The following GLI2 variants were observed in gnomAD, a reference collection of about 807,000 sequenced individuals.
GLI2 encodes transcription activator GLI2.
GLI2 carries 22 observed loss-of-function variants against 78.9 expected under a neutral mutation model. The ratio of observed to expected loss-of-function variants is 0.28; its 90% CI spans 0.20 to 0.40. The LOEUF (loss-of-function observed/expected upper bound fraction) is 0.40, where lower values mean the gene tolerates loss of function less well. GLI2 is among the 10% of genes least tolerant of loss of function. GLI2 has a pLI of 1.00. For synonymous variants in GLI2, 974 were observed against 963.7 expected (o/e 1.01, Z -0.20); for missense variants, 2,097 against 2,213.2 (o/e 0.95, Z 1.05).
intron 2 of GLI2, among the ~76,000 whole-genome samples, chr2:120,890,488 C>CACAT (rs1677626965): frequency 6.6e-6 from 1 of 152,066 alleles, no homozygotes; most frequent in Non-Finnish European, 1.5e-5. Context: ...CATACACATT[C>CACAT]ACATACATAC....
At chr2:120,739,405 T>C (rs1682461438) in intron 1 of GLI2, among the ~76,000 whole-genome samples, 1 of 152,196 alleles carries the variant, frequency 6.6e-6, no homozygotes, top group South Asian at 2.1e-4. Flanking sequence ...CCAGCTGGCT[T>C]GTTAAAGCCT....
chr2:120,935,739 G>T (rs548509258), intron 3 of GLI2, among the ~76,000 whole-genome samples: 1 of 152,304 alleles, frequency 6.6e-6, no homozygotes, highest in South Asian at 2.1e-4. Flanking sequence ...ATCTTCCCCA[G>T]CTCTGAGAGC....
intron 5 of GLI2, among the ~76,000 whole-genome samples, chr2:120,963,371 C>T (rs893973565): frequency 2.0e-5 from 3 of 152,244 alleles, no homozygotes; most frequent in Admixed American, 6.5e-5. Context: ...AGTAAATGTG[C>T]TCCAAGGAAG....
chr2:120,860,954 C>T (rs1447684494), intron 2 of GLI2, among the ~76,000 whole-genome samples: 1 of 152,188 alleles, frequency 6.6e-6, no homozygotes, highest in Non-Finnish European at 1.5e-5. Context: ...TTATGGCCAG[C>T]ACACAGGAGT....
At chr2:120,926,072 CAA>C (rs35224973) in intron 2 of GLI2, among the ~76,000 whole-genome samples, 26 of 63,232 alleles carry the variant, frequency 4.1e-4, no homozygotes, top group Admixed American at 2.3e-3. Context: ...GACTCCGTCT[CAA>C]AAAAAAAAAA....
intron 5 of GLI2, among the ~76,000 whole-genome samples, chr2:120,962,309 T>C (rs1323174468): frequency 1.3e-5 from 2 of 152,190 alleles, no homozygotes; most frequent in Non-Finnish European, 2.9e-5. Context: ...ATAATTCTGC[T>C]TAGATGGCAC....
chr2:120,978,389 G>A (rs1429335250), intron 9 of GLI2, 45 bp from the exon 10 acceptor site: 31 of 1,612,054 alleles, frequency 1.9e-5, no homozygotes, highest in Non-Finnish European at 2.6e-5. Context: ...TGGTCTGTGG[G>A]CCTCTGGCCC....
chr2:120,911,297 G>T (rs9653404), intron 2 of GLI2, among the ~76,000 whole-genome samples: 8,130 of 152,314 alleles, frequency 0.053, 646 homozygotes, highest in African/African-American at 0.17. Context: ...CTAAAGTGGA[G>T]ATAATAGTAA....
At chr2:120,773,927 TTCCTTCCCTCCCTCCC>T (rs1282661800) in intron 1 of GLI2, among the ~76,000 whole-genome samples, 1 of 109,770 alleles carries the variant, frequency 9.1e-6, no homozygotes, top group East Asian at 3.1e-4. Flanking sequence ...CCTTCCTTCC[TTCCTTCCCTCCCTCCC>T]TCCCTCCCTC....
At chr2:120,942,624 G>A (rs1680504792) in intron 3 of GLI2, among the ~76,000 whole-genome samples, 1 of 152,154 alleles carries the variant, frequency 6.6e-6, no homozygotes, top group Non-Finnish European at 1.5e-5. Flanking sequence ...GATCTCATGA[G>A]CCCCCCACGT....
intron 2 of GLI2, among the ~76,000 whole-genome samples, chr2:120,853,774 G>C (rs1420358878): frequency 6.6e-6 from 1 of 152,150 alleles, no homozygotes; most frequent in African/African-American, 2.4e-5. Flanking sequence ...CCCCACCTTG[G>C]GACTTGCTTT....
intron 2 of GLI2, among the ~76,000 whole-genome samples, chr2:120,902,040 C>A (rs1678284353): frequency 6.6e-6 from 1 of 151,924 alleles, no homozygotes; most frequent in African/African-American, 2.4e-5. Context: ...CAGCTCATAC[C>A]AGCTAACACC....
At chr2:120,913,093 A>G (rs1992901) in intron 2 of GLI2, among the ~76,000 whole-genome samples, 94,480 of 152,118 alleles carry the variant, frequency 0.62, 29,414 homozygotes, top group Middle Eastern at 0.67. Context: ...CTAAGATTCA[A>G]AGGTGAGGAA....
At chr2:120,987,041 C>G (rs1573735319) in intron 13 of GLI2, among the ~76,000 whole-genome samples, 1 of 152,196 alleles carries the variant, frequency 6.6e-6, no homozygotes, top group South Asian at 2.1e-4. Context: ...CAGAACGAGC[C>G]AGGTACCACC....
chr2:120,955,546 ACC>A, intron 5 of GLI2, 116 bp downstream of exon 5: 1 of 673,550 alleles, frequency 1.5e-6, no homozygotes, highest in South Asian at 2.0e-5. Context: ...GTCGGGCTGT[ACC>A]CCAATGCCTT....
chr2:120,807,557 C>T (rs1032881044), intron 2 of GLI2, among the ~76,000 whole-genome samples: 3 of 152,146 alleles, frequency 2.0e-5, no homozygotes, highest in Non-Finnish European at 2.9e-5. Context: ...GCAGTTCACC[C>T]GTGATGTGCA....
chr2:120,827,751 G>T (rs555829363), intron 2 of GLI2, among the ~76,000 whole-genome samples: 1 of 152,304 alleles, frequency 6.6e-6, no homozygotes, highest in African/African-American at 2.4e-5. Flanking sequence ...CCTTGAGAAC[G>T]TTATGCTAAG....
intron 3 of GLI2, among the ~76,000 whole-genome samples, chr2:120,928,350 C>T (rs13353369): frequency 6.6e-6 from 1 of 152,218 alleles, no homozygotes; most frequent in South Asian, 2.1e-4. Flanking sequence ...GAATCTCCCC[C>T]CAACAGGCCA....
chr2:120,984,856 G>C (rs554219605), intron 12 of GLI2, 113 bp downstream of exon 12: 10 of 1,068,830 alleles, frequency 9.4e-6, no homozygotes, highest in Admixed American at 5.8e-5. Context: ...GGGGCACAGC[G>C]ATATCCCTCC....
Sources: gnomAD v4.1 joint callset for allele counts (sites outside exome capture counted in the v4.1 genomes callset) on GRCh38, gnomAD v4.1.1 for gene constraint, MANE v1.5 for transcripts, NCBI Gene and HGNC (gene_info 2026-07-23, HGNC 2026-07-21) for gene names.